STARD13: variants seen among roughly 807,000 people sequenced by gnomAD.
STARD13 encodes StAR related lipid transfer domain containing 13.
A neutral mutation model predicts 106.4 loss-of-function variants in STARD13; 62 were observed. The ratio of observed to expected loss-of-function variants is 0.58; its 90% CI spans 0.48 to 0.72. The LOEUF (loss-of-function observed/expected upper bound fraction) is 0.72. STARD13 is among the 30% of genes least tolerant of loss of function. The pLI is 0.00. For missense variants in STARD13, 1,387 were observed against 1,424.0 expected, an observed-to-expected ratio of 0.97 and a Z score of 0.42; for synonymous variants, 565 against 553.0, an observed-to-expected ratio of 1.02 and a Z score of -0.31.
chr13:33,166,346 C>A (rs1205602013), intron 2 of STARD13, among the ~76,000 whole-genome samples: 1 of 152,080 alleles, frequency 6.6e-6, no homozygotes, highest in Admixed American at 6.5e-5. Flanking sequence ...CTGCCTCTTG[C>A]CAGCTGTGCT....
At chr13:33,676,678 C>T in the STARD13 span, 1 of 152,072 alleles carries the variant, frequency 6.6e-6, no homozygotes, top group Admixed American at 6.6e-5. Context: ...CACTCCTTAC[C>T]TTACAATTTC....
At chr13:33,617,408 A>G in the STARD13 span, among the ~76,000 whole-genome samples, 1 of 152,188 alleles carries the variant, frequency 6.6e-6, no homozygotes, top group Non-Finnish European at 1.5e-5. Context: ...TAGCCCTTAT[A>G]TTACTATCAA....
At chr13:33,452,330 C>T in the STARD13 span, among the ~76,000 whole-genome samples, 1 of 151,426 alleles carries the variant, frequency 6.6e-6, no homozygotes, top group African/African-American at 2.4e-5. Flanking sequence ...GGAGCTGGAG[C>T]TGGGGGCAGT....
upstream of STARD13, among the ~76,000 whole-genome samples, chr13:33,289,067 G>A (rs964196723): frequency 6.6e-6 from 1 of 152,162 alleles, no homozygotes; most frequent in African/African-American, 2.4e-5. Flanking sequence ...TGAGAGAGCT[G>A]GTCCTCTTCT....
Position 33,129,636 on chromosome 13 carries a change from G to A in STARD13, c.1041C>T (p.Cys347=), listed in dbSNP as rs1267698829. Residue 347 remains cysteine (C), a synonymous_variant, in exon 5 of 14, where the codon TGC becomes TGT. Transcript: ENST00000336934. Reference sequence around the variant, plus strand: ...CCTCGTGGCACTTGCGTTCCTTCAGGCAGGGCGTGCTCACCCCGCTGCTGC... The same window carrying A: ...CCTCGTGGCACTTGCGTTCCTTCAGACAGGGCGTGCTCACCCCGCTGCTGC... ...EHSSSGVSTP[C]LKERKCHEAN... is the part of the protein sequence containing the mutation. 2 of 1,613,866 alleles carry A rather than the reference G, an allele frequency of 1.2e-6. No homozygotes were observed. Among genetic ancestry groups the A allele is most frequent in the Non-Finnish European group, 8.5e-7 (1 of 1,180,036 alleles).
chr13:33,343,178 T>C (rs1268565646), intron 1 of STARD13, among the ~76,000 whole-genome samples: 1 of 152,026 alleles, frequency 6.6e-6, no homozygotes, highest in Admixed American at 6.6e-5. Flanking sequence ...CTGCCAGTTA[T>C]CCTCATCTTG....
chr13:33,106,752 A>G lies in STARD13; in HGVS notation c.3224+6T>C. 6.2e-7 allele frequency: 1 copy of G among 1,602,052 alleles called. No individual in the cohort carries two copies. Among genetic ancestry groups the G allele is most frequent in the Non-Finnish European group, 8.5e-7 (1 of 1,172,336 alleles). On this transcript the variant is annotated splice_donor_region_variant and intron_variant, in intron 13 of 13. Transcript: ENST00000336934. Reference sequence around the variant, plus strand: ...TGAGCCTGCCATTAAGGGAGTCAGCACTTACTTCAGGTCTATCCTGCAGAT... The same window carrying G: ...TGAGCCTGCCATTAAGGGAGTCAGCGCTTACTTCAGGTCTATCCTGCAGAT...
At chr13:33,492,848 C>T in the STARD13 span, among the ~76,000 whole-genome samples, 9 of 152,146 alleles carry the variant, frequency 5.9e-5, no homozygotes, top group South Asian at 6.2e-4. Context: ...CTTTCTTGTG[C>T]GAGATCCAGG....
At chr13:33,165,840 C>A (rs1261843327) in intron 2 of STARD13, among the ~76,000 whole-genome samples, 1 of 152,128 alleles carries the variant, frequency 6.6e-6, no homozygotes, top group South Asian at 2.1e-4. Context: ...CCAAAAATAC[C>A]CAAAGTTCTA....
At chr13:33,210,475 A>C (rs1182946859) in intron 1 of STARD13, among the ~76,000 whole-genome samples, 1 of 152,200 alleles carries the variant, frequency 6.6e-6, no homozygotes, top group Non-Finnish European at 1.5e-5. Context: ...TGTTGACTAG[A>C]TAATAATGGT....
rs546018365 is a variant in STARD13, at chr13:33,227,998, A to G, written c.169+57472T>C. On this transcript the variant is annotated intron_variant, in intron 1 of 13. Transcript: ENST00000336934. ...GTGCGATCGTAAAACGAAACAACGC[A>G]GAGCAGTTTTTAACAGTTGCGTGGT... Among the ~76,000 whole-genome samples the G allele has an allele frequency of 1.3e-4, 20 of 152,368 alleles. No individual in the cohort carries two copies. The East Asian group carries it at 3.5e-3, about 26-fold the overall frequency.
chr13:33,529,917 G>T, the STARD13 span, among the ~76,000 whole-genome samples: 1,573 of 152,258 alleles, frequency 0.01, 31 homozygotes, highest in African/African-American at 0.036. Flanking sequence ...CCCCGGATAA[G>T]AAACCACATA....
chr13:33,364,546 C>A, the STARD13 span, among the ~76,000 whole-genome samples: 9 of 152,236 alleles, frequency 5.9e-5, no homozygotes, highest in African/African-American at 1.7e-4. Flanking sequence ...AATACGACTT[C>A]CTCGTGGGCA....
At chr13:33,567,513 G>A in the STARD13 span, among the ~76,000 whole-genome samples, 1 of 148,138 alleles carries the variant, frequency 6.8e-6, no homozygotes, top group Non-Finnish European at 1.5e-5. Context: ...TATAATGGTA[G>A]AATTGTAGTT....
At chr13:33,638,956 T>C in the STARD13 span, among the ~76,000 whole-genome samples, 1 of 152,206 alleles carries the variant, frequency 6.6e-6, no homozygotes, top group Non-Finnish European at 1.5e-5. Context: ...CCTTTTTTTT[T>C]GGCATCTAAT....
the STARD13 span, among the ~76,000 whole-genome samples, chr13:33,662,178 C>T: frequency 6.6e-6 from 1 of 151,206 alleles, no homozygotes; most frequent in African/African-American, 2.4e-5. Context: ...AGGAGAATGG[C>T]GTGAACCCCG....
At chr13:33,413,396 A>G in the STARD13 span, among the ~76,000 whole-genome samples, 1 of 152,142 alleles carries the variant, frequency 6.6e-6, no homozygotes, top group Admixed American at 6.5e-5. Context: ...GCAGAAAGAA[A>G]GAAATAATAA....
At chr13:33,224,018 C>T (rs1888489829) in intron 1 of STARD13, among the ~76,000 whole-genome samples, 2 of 152,106 alleles carry the variant, frequency 1.3e-5, no homozygotes, top group African/African-American at 4.8e-5. Flanking sequence ...ACACCTGATC[C>T]AAGAGGCCCT....
intron 1 of STARD13, among the ~76,000 whole-genome samples, chr13:33,172,613 A>G (rs797224): frequency 0.58 from 88,537 of 152,012 alleles, 27,432 homozygotes; most frequent in Non-Finnish European, 0.68. Flanking sequence ...TGCTTCTAGC[A>G]TGCTTGGGAA....
Sources: gnomAD v4.1 joint callset for allele counts (sites outside exome capture counted in the v4.1 genomes callset) on GRCh38, gnomAD v4.1.1 for gene constraint, MANE v1.5 for transcripts, NCBI Gene and HGNC (gene_info 2026-07-23, HGNC 2026-07-21) for gene names.